The following PDE4D variants were observed in gnomAD, a reference collection of about 807,000 sequenced individuals.
The protein encoded by PDE4D is 3',5'-cyclic-AMP phosphodiesterase 4D.
PDE4D carries 24 observed loss-of-function variants against 87.4 expected under a neutral mutation model. The observed-to-expected ratio is 0.27, with a 90% CI of 0.20 to 0.39. PDE4D has a LOEUF of 0.39. Among genes scored for constraint, PDE4D ranks in the 10% least tolerant of loss-of-function variants. PDE4D has a pLI of 1.00. For missense variants in PDE4D, 714 were observed against 1,041.0 expected, an observed-to-expected ratio of 0.69 and a Z score of 4.32; for synonymous variants, 384 against 383.2, an observed-to-expected ratio of 1.00 and a Z score of -0.02.
chr5:60,264,003 AAAT>A (rs1483365299), intron 1 of PDE4D, among the ~76,000 whole-genome samples: 1 of 151,876 alleles, frequency 6.6e-6, no homozygotes, highest in African/African-American at 2.4e-5. Context: ...ACTAAAATAA[AAAT>A]AATAAAATAA....
intron 1 of PDE4D, among the ~76,000 whole-genome samples, chr5:59,271,042 T>TTTC (rs1023991541): frequency 8.5e-5 from 13 of 152,092 alleles, no homozygotes; most frequent in Admixed American, 8.5e-4. Context: ...AAATGGATTT[T>TTTC]TTTTTTTTTT....
intron 1 of PDE4D, among the ~76,000 whole-genome samples, chr5:60,299,662 C>T (rs146641991): frequency 1.4e-3 from 211 of 152,226 alleles, no homozygotes; most frequent in Middle Eastern, 0.01. Context: ...TTTGGTTTTC[C>T]GTTCCTGCAT....
intron 3 of PDE4D, among the ~76,000 whole-genome samples, chr5:59,945,898 G>T (rs1043680998): frequency 1.3e-5 from 2 of 152,148 alleles, no homozygotes; most frequent in Admixed American, 6.5e-5. Flanking sequence ...GAGGCTATTT[G>T]CTCCTGTTGA....
intron 1 of PDE4D, among the ~76,000 whole-genome samples, chr5:59,227,159 A>G (rs1753967702): frequency 6.6e-6 from 1 of 152,154 alleles, no homozygotes; most frequent in Non-Finnish European, 1.5e-5. Context: ...CTATATTTCC[A>G]AAATGCACTC....
intron 1 of PDE4D, among the ~76,000 whole-genome samples, chr5:59,369,556 G>A (rs1251212644): frequency 6.6e-6 from 1 of 152,090 alleles, no homozygotes; most frequent in Non-Finnish European, 1.5e-5. Flanking sequence ...ATAAGCAGGG[G>A]CAGATGGGGC....
intron 1 of PDE4D, among the ~76,000 whole-genome samples, chr5:59,680,592 GA>G (rs1748843631): frequency 6.6e-6 from 1 of 152,088 alleles, no homozygotes; most frequent in African/African-American, 2.4e-5. Flanking sequence ...GTGGCTGTGA[GA>G]AAAGAACTAA....
intron 1 of PDE4D, chr5:60,431,116 C>T (rs953406203): frequency 3.1e-4 from 68 of 216,930 alleles, no homozygotes; most frequent in Admixed American, 2.8e-3. Flanking sequence ...CCAGTAGGGG[C>T]GGCCGGGCAG....
intron 1 of PDE4D, among the ~76,000 whole-genome samples, chr5:59,676,013 T>C (rs1019888671): frequency 1.3e-5 from 2 of 151,996 alleles, no homozygotes; most frequent in African/African-American, 4.8e-5. Flanking sequence ...TGTTAAGAGA[T>C]CACACTGTGA....
chr5:60,070,715 C>T (rs1438941352), intron 2 of PDE4D, among the ~76,000 whole-genome samples: 1 of 151,948 alleles, frequency 6.6e-6, no homozygotes, highest in Admixed American at 6.6e-5. Context: ...CATGTTCCCT[C>T]TCCCCTTCAA....
At chr5:59,642,984 T>A (rs1317748003) in intron 1 of PDE4D, among the ~76,000 whole-genome samples, 1 of 151,988 alleles carries the variant, frequency 6.6e-6, no homozygotes, top group Non-Finnish European at 1.5e-5. Context: ...ACAATAACAA[T>A]AAAGTAAATA....
chr5:59,387,815 T>C (rs2153606364), intron 1 of PDE4D, among the ~76,000 whole-genome samples: 1 of 152,174 alleles, frequency 6.6e-6, no homozygotes, highest in Middle Eastern at 3.4e-3. Context: ...AAAAATCTAC[T>C]CTTTTAGCTA....
chr5:60,146,571 C>A (rs997196151), intron 2 of PDE4D, among the ~76,000 whole-genome samples: 5 of 152,188 alleles, frequency 3.3e-5, no homozygotes, highest in Non-Finnish European at 7.3e-5. Flanking sequence ...CATAAAGGAT[C>A]TGATCTACTC....
At chr5:59,912,481 G>A (rs900316966) in intron 3 of PDE4D, among the ~76,000 whole-genome samples, 1 of 152,104 alleles carries the variant, frequency 6.6e-6, no homozygotes, top group African/African-American at 2.4e-5. Flanking sequence ...TGTATTGACA[G>A]GTTTATCAAA....
intron 1 of PDE4D, among the ~76,000 whole-genome samples, chr5:59,584,406 T>C (rs1824747710): frequency 6.6e-6 from 1 of 152,190 alleles, no homozygotes; most frequent in Non-Finnish European, 1.5e-5. Context: ...TACATTGGCT[T>C]AGTTTGGCCA....
At chr5:60,315,968 G>A (rs1038103352) in intron 1 of PDE4D, among the ~76,000 whole-genome samples, 2 of 152,104 alleles carry the variant, frequency 1.3e-5, no homozygotes, top group African/African-American at 2.4e-5. Context: ...TTGGCAATGT[G>A]GGCTCTTTTT....
At chr5:59,563,555 G>A (rs954718266) in intron 1 of PDE4D, among the ~76,000 whole-genome samples, 12 of 152,194 alleles carry the variant, frequency 7.9e-5, no homozygotes, top group African/African-American at 2.9e-4. Context: ...ACAGCTGTAA[G>A]TGCTTTATGG....
At chr5:60,232,178 T>C (rs962262353) in intron 1 of PDE4D, among the ~76,000 whole-genome samples, 7 of 151,944 alleles carry the variant, frequency 4.6e-5, no homozygotes, top group African/African-American at 1.7e-4. Flanking sequence ...ATTAAAGCAG[T>C]TCTAAGCAAT....
chr5:59,809,761 A>G (rs897736880), intron 1 of PDE4D, among the ~76,000 whole-genome samples: 2 of 152,144 alleles, frequency 1.3e-5, no homozygotes, highest in African/African-American at 2.4e-5. Flanking sequence ...ACAAAATTCA[A>G]TTCCATCAAG....
At chr5:59,446,521 A>G (rs1244259642) in intron 1 of PDE4D, among the ~76,000 whole-genome samples, 1 of 152,228 alleles carries the variant, frequency 6.6e-6, no homozygotes, top group African/African-American at 2.4e-5. Flanking sequence ...ATCAACTTTA[A>G]TCATCAGGCT....
Sources: gnomAD v4.1 joint callset for allele counts (sites outside exome capture counted in the v4.1 genomes callset) on GRCh38, gnomAD v4.1.1 for gene constraint, MANE v1.5 for transcripts, NCBI Gene and HGNC (gene_info 2026-07-23, HGNC 2026-07-21) for gene names.